Variants in CALN1 observed in about 807,000 individuals in gnomAD.
CALN1 encodes the protein calneuron 1.
In CALN1, 17 loss-of-function variants were observed where a neutral mutation model predicts 30.6. The ratio of observed to expected loss-of-function variants is 0.56; its 90% CI spans 0.38 to 0.83. The LOEUF is 0.83. Among genes scored for constraint, CALN1 ranks in the 40% least tolerant of loss-of-function variants. The probability of loss-of-function intolerance (pLI) is 0.00; values close to 1 mark genes in which losing one functional copy is unlikely to be tolerated. For missense variants in CALN1, 291 were observed against 354.9 expected, an observed-to-expected ratio of 0.82 and a Z score of 1.45; for synonymous variants, 156 against 131.4, an observed-to-expected ratio of 1.19 and a Z score of -1.28.
chr7:71,982,139 C>T (rs1478978382), intron 5 of CALN1, among the ~76,000 whole-genome samples: 1 of 152,024 alleles, frequency 6.6e-6, no homozygotes. Flanking sequence ...GAGGTGAGTA[C>T]CAGATGCCTC....
intron 4 of CALN1, among the ~76,000 whole-genome samples, chr7:72,069,737 G>C (rs933940121): frequency 1.3e-5 from 2 of 152,162 alleles, no homozygotes; most frequent in Non-Finnish European, 1.5e-5. Context: ...AGTTCAAAGA[G>C]GGAGAGCTTG....
At chr7:72,017,496 C>T (rs1467886288) in intron 5 of CALN1, among the ~76,000 whole-genome samples, 1 of 152,160 alleles carries the variant, frequency 6.6e-6, no homozygotes, top group African/African-American at 2.4e-5. Context: ...ATGTCTTGCA[C>T]ATTGCACACA....
At chr7:72,409,133 T>A (rs1008542821) in intron 1 of CALN1, among the ~76,000 whole-genome samples, 3 of 151,662 alleles carry the variant, frequency 2.0e-5, no homozygotes, top group African/African-American at 7.3e-5. Context: ...GTAGCTGGGA[T>A]TACAGGCGCC....
chr7:71,936,466 G>A (rs1233972625), intron 5 of CALN1, among the ~76,000 whole-genome samples: 2 of 150,892 alleles, frequency 1.3e-5, no homozygotes, highest in Non-Finnish European at 2.9e-5. Flanking sequence ...TGTACACCAA[G>A]CTGGAAGGGC....
At chr7:72,234,067 G>C (rs1302109462) in intron 3 of CALN1, among the ~76,000 whole-genome samples, 1 of 151,990 alleles carries the variant, frequency 6.6e-6, no homozygotes, top group Non-Finnish European at 1.5e-5. Context: ...GAAACAAAGA[G>C]GAAACATAAC....
At chr7:72,291,017 G>A (rs184255070) in intron 2 of CALN1, among the ~76,000 whole-genome samples, 22 of 151,366 alleles carry the variant, frequency 1.5e-4, no homozygotes, top group African/African-American at 4.4e-4. Flanking sequence ...TCTGCCTCCC[G>A]GGTTCAAGCA....
intron 5 of CALN1, among the ~76,000 whole-genome samples, chr7:71,951,974 C>T (rs1487666759): frequency 1.3e-5 from 2 of 151,994 alleles, no homozygotes; most frequent in East Asian, 1.9e-4. Flanking sequence ...TCAGACCCAA[C>T]CAATCCATCA....
intron 4 of CALN1, among the ~76,000 whole-genome samples, chr7:72,080,926 T>C (rs532585347): frequency 1.3e-5 from 2 of 152,104 alleles, no homozygotes; most frequent in African/African-American, 4.8e-5. Context: ...TGTCCCTGTT[T>C]GTTGCTGGTC....
intron 5 of CALN1, among the ~76,000 whole-genome samples, chr7:71,860,518 C>T (rs1162902795): frequency 1.3e-5 from 2 of 152,126 alleles, no homozygotes; most frequent in African/African-American, 2.4e-5. Context: ...CCTTTACTTT[C>T]TTAATAAACT....
In CALN1 at chr7:72,446,557, G is replaced by A. The variant is rs557378058; in HGVS notation, c.-226+485C>T. ...ACAGGTGTCGGCAAGATGTTCCTCCGGGACGACTTACAGGGAAAGTTGTAT... is the reference window on the plus strand; with the variant it reads ...ACAGGTGTCGGCAAGATGTTCCTCCAGGACGACTTACAGGGAAAGTTGTAT... On this transcript the variant is annotated intron_variant, in intron 1 of 6. Coordinates refer to the CALN1 transcript ENST00000395276. Among the ~76,000 whole-genome samples, 26 of 152,244 alleles carry A rather than the reference G, an allele frequency of 1.7e-4. No individual in the cohort carries two copies. The South Asian group carries it at 5.2e-3, about 30-fold the overall frequency.
chr7:72,089,978 G>C (rs937996669), intron 4 of CALN1, among the ~76,000 whole-genome samples: 2 of 152,114 alleles, frequency 1.3e-5, no homozygotes, highest in Admixed American at 6.6e-5. Flanking sequence ...AAAAATCTTA[G>C]CAAATATCAG....
intron 2 of CALN1, among the ~76,000 whole-genome samples, chr7:72,400,918 G>A (rs77516969): frequency 0.019 from 2,922 of 152,216 alleles, 95 homozygotes; most frequent in African/African-American, 0.066. Context: ...GGAGATGGAA[G>A]ATGAGACACA....
chr7:72,192,625 T>TTTTTTA (rs1034125967), intron 3 of CALN1, among the ~76,000 whole-genome samples: 1 of 143,806 alleles, frequency 7.0e-6, no homozygotes, highest in African/African-American at 2.5e-5. Context: ...TCCCATTTCT[T>TTTTTTA]TTATTATTAT....
chr7:72,413,261 C>T (rs1399100478), upstream of CALN1, among the ~76,000 whole-genome samples: 1 of 151,174 alleles, frequency 6.6e-6, no homozygotes, highest in African/African-American at 2.4e-5. Context: ...CACACATATA[C>T]ATTCACACAC....
chr7:72,499,815 TTCCTTCCTTCC>T, the CALN1 span, among the ~76,000 whole-genome samples: 50 of 62,986 alleles, frequency 7.9e-4, 6 homozygotes, highest in African/African-American at 3.9e-3. Flanking sequence ...CCTTCCTTCC[TTCCTTCCTTCC>T]TTCTTTCTTT....
intron 4 of CALN1, chr7:72,103,268 TG>T: frequency 5.8e-6 from 1 of 173,772 alleles, no homozygotes; most frequent in Non-Finnish European, 1.3e-5. Context: ...ATCGATATCC[TG>T]GAAGACACCA....
intron 3 of CALN1, among the ~76,000 whole-genome samples, chr7:72,175,058 A>C (rs76051540): frequency 0.25 from 38,396 of 151,736 alleles, 5,917 homozygotes; most frequent in Non-Finnish European, 0.35. Context: ...CTGTATGTAA[A>C]CTATACCTCA....
intron 5 of CALN1, among the ~76,000 whole-genome samples, chr7:71,977,333 G>A (rs370116129): frequency 1.3e-5 from 2 of 152,266 alleles, no homozygotes; most frequent in African/African-American, 4.8e-5. Context: ...AACTTGGGAG[G>A]CTGAGGTGGG....
chr7:72,023,576 G>C (rs1253766455), intron 5 of CALN1, 81 bp downstream of exon 5: 10 of 1,004,636 alleles, frequency 1.0e-5, no homozygotes, highest in South Asian at 1.4e-5. Context: ...GTGCCAAATA[G>C]AAGTTCAAGA....
Sources: gnomAD v4.1 joint callset for allele counts (sites outside exome capture counted in the v4.1 genomes callset) on GRCh38, gnomAD v4.1.1 for gene constraint, MANE v1.5 for transcripts, NCBI Gene and HGNC (gene_info 2026-07-23, HGNC 2026-07-21) for gene names.